The following SUMF1 variants were observed in gnomAD, a reference collection of about 807,000 sequenced individuals.
The protein encoded by SUMF1 is sulfatase modifying factor 1, also known as formylglycine-generating enzyme.
Under a neutral mutation model 47.6 loss-of-function variants are expected in SUMF1, and 48 were observed. The ratio of observed to expected loss-of-function variants is 1.01; its 90% CI spans 0.80 to 1.28. The LOEUF (loss-of-function observed/expected upper bound fraction) is 1.28, where lower values mean the gene tolerates loss of function less well. Among genes scored for constraint, SUMF1 ranks in the 50% most tolerant of loss-of-function variants. SUMF1 has a pLI of 0.00. For synonymous variants in SUMF1, 230 were observed against 192.1 expected (o/e 1.20, Z -1.63); for missense variants, 571 against 485.4 (o/e 1.18, Z -1.66).
rs78355455 is a variant in SUMF1 at position 4,385,663 on chromosome 3, G to A, written c.955-9274C>T. On this transcript the variant is annotated intron_variant, in intron 7 of 8. Coordinates refer to ENST00000272902, the MANE Select transcript of SUMF1 (RefSeq NM_182760.4). ...AGTTTATTTATTTTTCCATATGTGG[G>A]TGATCATGCTTTTTGGTGTCAAGTC... is the stretch of plus-strand genomic sequence containing the variant. Among the ~76,000 whole-genome samples, 1,110 of 152,142 alleles carry A rather than the reference G, an allele frequency of 7.3e-3. 17 individuals are homozygous for A. The highest frequency in any genetic ancestry group is 0.026 in the African/African-American group (1,083 of 41,516).
intron 8 of SUMF1, among the ~76,000 whole-genome samples, chr3:4,337,869 T>C (rs1699187204): frequency 1.5e-5 from 1 of 66,924 alleles, no homozygotes; most frequent in Non-Finnish European, 2.7e-5. Flanking sequence ...AAAATAACCT[T>C]GTTTCCCTTT....
At chr3:4,369,172 A>G (rs973146725) in intron 8 of SUMF1, among the ~76,000 whole-genome samples, 8 of 152,216 alleles carry the variant, frequency 5.3e-5, no homozygotes, top group African/African-American at 1.9e-4. Flanking sequence ...AAATAAAGAC[A>G]GTGCTTTGTC....
At chr3:4,155,191 G>T (rs566265967) in intron 8 of SUMF1, among the ~76,000 whole-genome samples, 3 of 151,526 alleles carry the variant, frequency 2.0e-5, no homozygotes, top group South Asian at 4.2e-4. Context: ...ACCCCTGCAG[G>T]CCAGTCCTAT....
intron 8 of SUMF1, among the ~76,000 whole-genome samples, chr3:4,190,635 T>C (rs572558502): frequency 1.1e-3 from 172 of 152,182 alleles, no homozygotes; most frequent in African/African-American, 4.1e-3. Context: ...GAGAAAAAGG[T>C]ATTATAAATG....
chr3:4,151,996 G>T (rs541143468), intron 8 of SUMF1, among the ~76,000 whole-genome samples: 3 of 151,618 alleles, frequency 2.0e-5, no homozygotes, highest in South Asian at 4.1e-4. Flanking sequence ...CCCCAATTCA[G>T]TTCAAGTATT....
intron 8 of SUMF1, among the ~76,000 whole-genome samples, chr3:4,156,684 T>G (rs569363088): frequency 6.6e-6 from 1 of 151,794 alleles, no homozygotes; most frequent in African/African-American, 2.4e-5. Context: ...TCTCTGGGCC[T>G]GGCAGCCCTG....
At chr3:4,421,113 C>A (rs1371225788) in intron 3 of SUMF1, among the ~76,000 whole-genome samples, 1 of 152,166 alleles carries the variant, frequency 6.6e-6, no homozygotes, top group Non-Finnish European at 1.5e-5. Flanking sequence ...AAAATAACAA[C>A]AGTCAGGAGT....
rs968899038 is a variant in SUMF1, at chr3:4,038,796, A to G, written c.1191+29773T>C. Among the ~76,000 whole-genome samples the G allele has an allele frequency of 2.0e-5, 3 of 152,198 alleles. No homozygotes were observed. The East Asian group carries it at 5.8e-4, about 29-fold the overall frequency. ...TGGCTCTGGGAGTCTCTCCCCAGGG[A>G]AACTCCAGACCACTACCACTGGGTA... On this transcript the variant is annotated intron_variant and NMD_transcript_variant, in intron 9 of 12. Transcript: ENST00000448413.
At chr3:4,063,706 T>A (rs535364592) in intron 9 of SUMF1, among the ~76,000 whole-genome samples, 1 of 152,152 alleles carries the variant, frequency 6.6e-6, no homozygotes, top group African/African-American at 2.4e-5. Context: ...GCCATCCTGG[T>A]GGTCTTTTGG....
chr3:4,312,271 G>C (rs61187430), intron 8 of SUMF1, among the ~76,000 whole-genome samples: 3 of 152,086 alleles, frequency 2.0e-5, no homozygotes, highest in Admixed American at 2.0e-4. Context: ...AAAGGTAAAA[G>C]AGATCAAAAG....
intron 8 of SUMF1, among the ~76,000 whole-genome samples, chr3:4,331,733 G>C (rs1405997631): frequency 6.6e-6 from 1 of 152,192 alleles, no homozygotes; most frequent in African/African-American, 2.4e-5. Context: ...AGGAGTCTGA[G>C]GCAGGAGAAT....
At chr3:4,268,106 AATC>A (rs1559633935) in intron 8 of SUMF1, among the ~76,000 whole-genome samples, 1 of 152,224 alleles carries the variant, frequency 6.6e-6, no homozygotes, top group Non-Finnish European at 1.5e-5. Flanking sequence ...TGAAATTGGA[AATC>A]ATCATTCTCA....
chr3:4,065,649 T>C (rs1225093966), intron 9 of SUMF1, among the ~76,000 whole-genome samples: 1 of 152,060 alleles, frequency 6.6e-6, no homozygotes, highest in African/African-American at 2.4e-5. Context: ...TAAAAGGATT[T>C]GGCAGAAAAA....
intron 8 of SUMF1, among the ~76,000 whole-genome samples, chr3:4,368,140 G>GA: frequency 6.6e-6 from 1 of 152,112 alleles, no homozygotes; most frequent in South Asian, 2.1e-4. Context: ...AAATTTACAA[G>GA]AAAAAAACAA....
intron 8 of SUMF1, among the ~76,000 whole-genome samples, chr3:4,145,102 G>A (rs1694161662): frequency 6.6e-6 from 1 of 151,382 alleles, no homozygotes; most frequent in African/African-American, 2.4e-5. Context: ...AGGAGGCTGA[G>A]GCAGGAGATG....
chr3:4,425,171 C>A (rs544428578), intron 3 of SUMF1, among the ~76,000 whole-genome samples: 1 of 152,262 alleles, frequency 6.6e-6, no homozygotes. Context: ...GTAAGAGTAT[C>A]TGACCCTGGA....
chr3:4,067,404 A>G (rs1339955203), intron 9 of SUMF1, among the ~76,000 whole-genome samples: 1 of 152,158 alleles, frequency 6.6e-6, no homozygotes, highest in East Asian at 1.9e-4. Flanking sequence ...TTCATAACTG[A>G]GCCTTTGGCA....
chr3:4,190,071 T>C (rs1257803956), intron 8 of SUMF1, among the ~76,000 whole-genome samples: 2 of 152,162 alleles, frequency 1.3e-5, no homozygotes, highest in African/African-American at 2.4e-5. Flanking sequence ...TAAAGACTTT[T>C]AGTTCTGCCA....
intron 8 of SUMF1, among the ~76,000 whole-genome samples, chr3:4,178,361 T>C (rs944065963): frequency 6.6e-6 from 1 of 152,174 alleles, no homozygotes; most frequent in Non-Finnish European, 1.5e-5. Flanking sequence ...TTTGGCTTCA[T>C]CCCTGGGATG....
Sources: gnomAD v4.1 joint callset for allele counts (sites outside exome capture counted in the v4.1 genomes callset) on GRCh38, gnomAD v4.1.1 for gene constraint, MANE v1.5 for transcripts, NCBI Gene and HGNC (gene_info 2026-07-23, HGNC 2026-07-21) for gene names.